Variants in RNF24 observed in about 807,000 individuals in gnomAD.
The protein encoded by RNF24 is ring finger protein 24.
RNF24 carries 14 observed loss-of-function variants against 20.0 expected under a neutral mutation model. The ratio of observed to expected loss-of-function variants is 0.70; its 90% CI spans 0.46 to 1.10. RNF24 has a LOEUF of 1.10. RNF24 is among the 50% of genes least tolerant of loss of function. RNF24 has a pLI of 0.00. For synonymous variants in RNF24, 45 were observed against 61.1 expected (o/e 0.74, Z 1.23); for missense variants, 124 against 177.6 (o/e 0.70, Z 1.71).
At chr20:3,953,413 A>T (rs187359404) in intron 2 of RNF24, among the ~76,000 whole-genome samples, 1 of 150,344 alleles carries the variant, frequency 6.7e-6, no homozygotes, top group Non-Finnish European at 1.5e-5. Context: ...TCAGCCTCCC[A>T]AAGTGCTGGG....
At chr20:3,969,304 T>G (rs1005497790) in intron 1 of RNF24, among the ~76,000 whole-genome samples, 2 of 152,322 alleles carry the variant, frequency 1.3e-5, no homozygotes, top group Non-Finnish European at 2.9e-5. Context: ...AAAGATGGCA[T>G]AGACATACAT....
intron 1 of RNF24, among the ~76,000 whole-genome samples, chr20:3,986,126 C>T (rs1039548088): frequency 6.6e-6 from 1 of 152,104 alleles, no homozygotes; most frequent in African/African-American, 2.4e-5. Context: ...TATGAGACTT[C>T]ACTTTGAGGG....
Position 3,948,290 on chromosome 20 carries a change from G to C in RNF24, c.144-11C>G. 1 of 1,558,646 alleles carries C rather than the reference G, an allele frequency of 6.4e-7. No homozygotes were observed. On this transcript the variant is annotated splice_polypyrimidine_tract_variant and intron_variant, in intron 2 of 5. Transcript: ENST00000358395. Reference sequence around the variant, plus strand: ...GCTTGATGTCTTAGCCTAAAAGACAGAAATTAGTAATGCAATATTGAGATT... The same window carrying C: ...GCTTGATGTCTTAGCCTAAAAGACACAAATTAGTAATGCAATATTGAGATT...
intron 1 of RNF24, among the ~76,000 whole-genome samples, chr20:3,964,375 T>A (rs1199935653): frequency 6.6e-6 from 1 of 152,234 alleles, no homozygotes; most frequent in East Asian, 1.9e-4. Context: ...TCAAACTCTT[T>A]AGCCTTTAAC....
At chr20:3,959,943 A>G (rs75159180) in intron 2 of RNF24, among the ~76,000 whole-genome samples, 9,517 of 152,320 alleles carry the variant, frequency 0.062, 443 homozygotes, top group Middle Eastern at 0.092. Context: ...ATGAACAAAC[A>G]TAAATTAGAA....
chr20:3,952,165 A>C (rs956255885), intron 2 of RNF24, among the ~76,000 whole-genome samples: 2 of 149,648 alleles, frequency 1.3e-5, no homozygotes, highest in Non-Finnish European at 3.0e-5. Flanking sequence ...AAAAAAAAAA[A>C]CCCTCTTGGG....
At chr20:4,007,625 C>T in intron 1 of RNF24, among the ~76,000 whole-genome samples, 1 of 149,674 alleles carries the variant, frequency 6.7e-6, no homozygotes, top group East Asian at 2.0e-4. Context: ...GATTTATTGG[C>T]TGGGCATGGT....
intron 4 of RNF24, among the ~76,000 whole-genome samples, chr20:3,943,364 G>A (rs1013105840): frequency 6.6e-6 from 1 of 151,430 alleles, no homozygotes; most frequent in Non-Finnish European, 1.5e-5. Context: ...AAGGGTCAAG[G>A]AACCAGACTA....
Position 3,934,026 on chromosome 20 carries a change from ACGT to A in RNF24, c.*34_*36del, listed in dbSNP as rs770062705. On this transcript the variant is annotated 3_prime_UTR_variant, in exon 6 of 6. Coordinates refer to ENST00000358395, the MANE Select transcript of RNF24 (RefSeq NM_001134337.3). The surrounding 1 kb of genome is among the most constrained non-coding windows in gnomAD (Gnocchi z 4.0). ...ATGTGTTCCTCCTGGCTCCACACAG[ACGT>A]CGTGTCCAGCAACAGTCTGATCCTT... 2 of 1,423,276 alleles carry A rather than the reference ACGT, an allele frequency of 1.4e-6. No homozygotes were observed. Among genetic ancestry groups the A allele is most frequent in the South Asian group, 1.7e-5 (1 of 60,404 alleles). 88.2% of individuals were successfully genotyped at this position (1,423,276 alleles called of 1,614,324 possible).
intron 1 of RNF24, among the ~76,000 whole-genome samples, chr20:4,002,836 G>C (rs572866978): frequency 1.3e-5 from 2 of 152,250 alleles, no homozygotes; most frequent in Non-Finnish European, 1.5e-5. Context: ...ACTCCCCTTA[G>C]AACTGTGTCA....
chr20:3,940,415 T>TG (rs2090941487), intron 4 of RNF24, among the ~76,000 whole-genome samples: 1 of 88,342 alleles, frequency 1.1e-5, no homozygotes, highest in Non-Finnish European at 2.4e-5. Context: ...AAAAAATTAC[T>TG]GAAAAAAAAA....
intron 1 of RNF24, among the ~76,000 whole-genome samples, chr20:3,982,693 C>G (rs937813887): frequency 3.3e-5 from 5 of 151,954 alleles, no homozygotes; most frequent in African/African-American, 1.2e-4. Context: ...CCCTGACTAG[C>G]CTGGGCAACA....
rs188458140 is a variant in RNF24 at position 3,970,132 on chromosome 20, G to C, written c.-7-6108C>G. Among the ~76,000 whole-genome samples, 12 of 152,218 alleles carry C rather than the reference G, an allele frequency of 7.9e-5. No individual in the cohort carries two copies. In the East Asian group the frequency reaches 1.5e-3, roughly 20 times the overall value. On this transcript the variant is annotated intron_variant, in intron 1 of 5. Transcript: ENST00000358395. ...GGGTGATGACAGAGGAGGATCTCGTGAAGAATCGGGATTTTACCACCACCA... is the reference window on the plus strand; with the variant it reads ...GGGTGATGACAGAGGAGGATCTCGTCAAGAATCGGGATTTTACCACCACCA...
intron 4 of RNF24, among the ~76,000 whole-genome samples, chr20:3,939,413 T>C (rs1014846075): frequency 6.6e-6 from 1 of 152,242 alleles, no homozygotes; most frequent in African/African-American, 2.4e-5. Context: ...CTTTTGCATG[T>C]AGATATCCAG....
At chr20:3,974,443 A>G in intron 1 of RNF24, 2 of 1,481,552 alleles carry the variant, frequency 1.3e-6, no homozygotes, top group Non-Finnish European at 1.8e-6. Context: ...AAAGGCATAC[A>G]CATCAGAAAG....
rs188155276 is a variant in RNF24, at chr20:3,994,553, C to T, written c.-8+20884G>A. ...AGTATACAAAGGTGATTAGAAGGCACTAAATTTTCTCTACATAGTGATCTC... is the reference window on the plus strand; with the variant it reads ...AGTATACAAAGGTGATTAGAAGGCATTAAATTTTCTCTACATAGTGATCTC... On this transcript the variant is annotated intron_variant, in intron 1 of 5. Coordinates refer to ENST00000358395, the MANE Select transcript of RNF24 (RefSeq NM_001134337.3). Among the ~76,000 whole-genome samples, 957 of 152,280 alleles carry T rather than the reference C, an allele frequency of 6.3e-3. 3 individuals are homozygous for T. The highest frequency in any genetic ancestry group is 0.027 in the Middle Eastern group (8 of 294).
At chr20:3,955,744 C>T (rs1449892798) in intron 2 of RNF24, among the ~76,000 whole-genome samples, 2 of 152,156 alleles carry the variant, frequency 1.3e-5, no homozygotes, top group Admixed American at 6.6e-5. Flanking sequence ...TATATAAAGA[C>T]GATATAAATC....
rs563371517 is a variant in RNF24, at chr20:3,974,228, TAA to T, written c.-7-10206_-7-10205del. Reference sequence around the variant, plus strand: ...ATGGAAGAGAACTTCTTCAACATGTTAAAAAGCATCTACAAAAAACAAACCGG... The same window carrying T: ...ATGGAAGAGAACTTCTTCAACATGTTAAAGCATCTACAAAAAACAAACCGG... On this transcript the variant is annotated intron_variant, in intron 1 of 5. Coordinates refer to ENST00000358395, the MANE Select transcript of RNF24 (RefSeq NM_001134337.3). 210 of 1,183,282 alleles carry T rather than the reference TAA, an allele frequency of 1.8e-4. No individual in the cohort carries two copies. In the African/African-American group the frequency reaches 2.5e-3, roughly 14 times the overall value. 73.3% of individuals were successfully genotyped at this position (1,183,282 alleles called of 1,614,324 possible). A position where few individuals can be genotyped will look rare whatever the true frequency, so the allele number is the denominator to read the frequency against.
intron 2 of RNF24, among the ~76,000 whole-genome samples, chr20:3,959,491 C>T (rs947075288): frequency 1.1e-4 from 17 of 152,106 alleles, no homozygotes; most frequent in African/African-American, 3.4e-4. Context: ...AAACATAATA[C>T]ACAATAATTG....
Sources: gnomAD v4.1 joint callset for allele counts (sites outside exome capture counted in the v4.1 genomes callset) on GRCh38, gnomAD v4.1.1 for gene constraint, Gnocchi (gnomAD v3.1) non-coding constraint, MANE v1.5 for transcripts, NCBI Gene and HGNC (gene_info 2026-07-23, HGNC 2026-07-21) for gene names.